Variants in EMCN observed in about 807,000 individuals in gnomAD.
EMCN encodes the protein endomucin, also known as MUC-14.
Under a neutral mutation model 38.4 loss-of-function variants are expected in EMCN, and 37 were observed. The observed-to-expected ratio is 0.96, with a 90% CI of 0.74 to 1.27. The LOEUF is 1.27. Ranked by LOEUF, EMCN falls within the 50% of genes most tolerant of loss-of-function variation. The pLI is 0.00. For missense variants in EMCN, 318 were observed against 302.8 expected, an observed-to-expected ratio of 1.05 and a Z score of -0.37; for synonymous variants, 95 against 100.8, an observed-to-expected ratio of 0.94 and a Z score of 0.35.
intron 5 of EMCN, among the ~76,000 whole-genome samples, chr4:100,447,115 T>C (rs566789237): frequency 1.3e-5 from 2 of 152,196 alleles, no homozygotes; most frequent in African/African-American, 2.4e-5. Flanking sequence ...ATTGGAATGA[T>C]AGCATTTTAA....
intron 5 of EMCN, among the ~76,000 whole-genome samples, chr4:100,444,940 C>A (rs535818352): frequency 1.3e-5 from 2 of 152,254 alleles, no homozygotes; most frequent in South Asian, 4.1e-4. Context: ...GCAAAGACTG[C>A]ATGTATCTGT....
At chr4:100,476,687 A>T (rs924534) in intron 2 of EMCN, among the ~76,000 whole-genome samples, 3 of 152,082 alleles carry the variant, frequency 2.0e-5, no homozygotes, top group Admixed American at 6.5e-5. Context: ...AACATGTTGA[A>T]TTCTATTTAG....
chr4:100,491,557 C>G (rs1729079664), intron 1 of EMCN, among the ~76,000 whole-genome samples: 1 of 152,204 alleles, frequency 6.6e-6, no homozygotes. Context: ...CAGAGCAAAG[C>G]AGTTGGTCCC....
chr4:100,452,642 C>G (rs1231537710), intron 4 of EMCN, among the ~76,000 whole-genome samples: 1 of 152,048 alleles, frequency 6.6e-6, no homozygotes, highest in Non-Finnish European at 1.5e-5. Flanking sequence ...GTTATAGATA[C>G]CAGAATGACT....
intron 5 of EMCN, among the ~76,000 whole-genome samples, chr4:100,427,073 G>A (rs1008452116): frequency 6.6e-6 from 1 of 151,872 alleles, no homozygotes; most frequent in African/African-American, 2.4e-5. Context: ...TTTGGAACTG[G>A]TCTCTAATTG....
chr4:100,479,757 T>C (rs1271559566), intron 2 of EMCN, among the ~76,000 whole-genome samples, 160 bp downstream of exon 2: 1 of 152,126 alleles, frequency 6.6e-6, no homozygotes, highest in African/African-American at 2.4e-5. Flanking sequence ...GGGTTTTGTA[T>C]GGAACCCCAA....
At chr4:100,509,777 T>C (rs1370578025) in intron 1 of EMCN, among the ~76,000 whole-genome samples, 1 of 152,148 alleles carries the variant, frequency 6.6e-6, no homozygotes, top group Non-Finnish European at 1.5e-5. Flanking sequence ...GTAAAGGTAT[T>C]ATGGCTAAAA....
chr4:100,442,243 T>C (rs1006897076), intron 5 of EMCN, among the ~76,000 whole-genome samples: 2 of 152,220 alleles, frequency 1.3e-5, no homozygotes, highest in African/African-American at 4.8e-5. Context: ...AAGGTTTCTA[T>C]TGAGAAATCC....
chr4:100,430,793 G>A (rs144426067), intron 5 of EMCN, among the ~76,000 whole-genome samples: 3 of 152,150 alleles, frequency 2.0e-5, no homozygotes, highest in African/African-American at 7.2e-5. Flanking sequence ...TACCAGACAC[G>A]ATCACATATA....
At position 100,453,270 on chromosome 4, in the gene EMCN, C is replaced by T. The variant is rs1727901138; in HGVS notation, c.377-5699G>A. 2.0e-5 allele frequency among the ~76,000 whole-genome samples: 3 copies of T among 152,084 alleles called. No individual in the cohort carries two copies. The South Asian group carries it at 6.2e-4, about 32-fold the overall frequency. The stretch of plus-strand genomic sequence containing the variant: ...TGGGAGAAAATTTTTGCAACCTACT[C>T]ATCTGACAAAGGGCTAATATCCAGA... On this transcript the variant is annotated intron_variant, in intron 4 of 11. Coordinates refer to ENST00000296420, the MANE Select transcript of EMCN (RefSeq NM_016242.4).
chr4:100,407,910 T>C (rs1001656116), intron 11 of EMCN, among the ~76,000 whole-genome samples: 2 of 152,166 alleles, frequency 1.3e-5, no homozygotes, highest in African/African-American at 4.8e-5. Flanking sequence ...TTCTTGGAGA[T>C]TTGTTCATTT....
rs367803286 is a variant in EMCN at position 100,504,839 on chromosome 4, A to C, written c.64+13012T>G. ...GACCCTACTCCTCCACCTCTTGTGGAGGGCCTGACTGATGTCAGGCCTGCC... is the reference window on the plus strand; with the variant it reads ...GACCCTACTCCTCCACCTCTTGTGGCGGGCCTGACTGATGTCAGGCCTGCC... On this transcript the variant is annotated intron_variant, in intron 1 of 11. Transcript: ENST00000296420. Among the ~76,000 whole-genome samples the C allele has an allele frequency of 2.9e-4, 44 of 152,284 alleles. 3 individuals carry two copies. The East Asian group carries it at 3.9e-3, about 13-fold the overall frequency.
At chr4:100,407,314 A>C (rs4478197) in intron 11 of EMCN, among the ~76,000 whole-genome samples, 1 of 152,128 alleles carries the variant, frequency 6.6e-6, no homozygotes, top group Admixed American at 6.6e-5. Context: ...GCTTTATAGC[A>C]TCAATGGTGT....
At chr4:100,513,478 AG>A (rs1729678734) in intron 1 of EMCN, among the ~76,000 whole-genome samples, 1 of 152,172 alleles carries the variant, frequency 6.6e-6, no homozygotes, top group Non-Finnish European at 1.5e-5. Flanking sequence ...TGTATTTTTG[AG>A]AAGTTGGTTG....
chr4:100,452,780 C>A (rs910965560), intron 4 of EMCN, among the ~76,000 whole-genome samples: 1 of 152,026 alleles, frequency 6.6e-6, no homozygotes, highest in African/African-American at 2.4e-5. Context: ...TCAAACTATA[C>A]TACAAGGCTA....
intron 5 of EMCN, among the ~76,000 whole-genome samples, chr4:100,447,130 T>C (rs116444526): frequency 1.7e-3 from 266 of 152,312 alleles, no homozygotes; most frequent in African/African-American, 6.2e-3. Flanking sequence ...TTTTAAATTG[T>C]TAACTGTGGT....
chr4:100,418,774 G>A (rs979404942), intron 8 of EMCN, among the ~76,000 whole-genome samples: 8 of 151,958 alleles, frequency 5.3e-5, no homozygotes, highest in African/African-American at 1.4e-4. Context: ...CCACATTTTC[G>A]TTATCTATTC....
At chr4:100,432,592 C>G (rs1164097483) in intron 5 of EMCN, among the ~76,000 whole-genome samples, 2 of 152,028 alleles carry the variant, frequency 1.3e-5, no homozygotes, top group Non-Finnish European at 2.9e-5. Context: ...AGGTTCATAC[C>G]AAGTTTGGGG....
At chr4:100,515,505 G>C (rs1433281567) in intron 1 of EMCN, among the ~76,000 whole-genome samples, 1 of 152,058 alleles carries the variant, frequency 6.6e-6, no homozygotes, top group Non-Finnish European at 1.5e-5. Flanking sequence ...CAGCATGAAA[G>C]ACTGTATTGT....
Sources: gnomAD v4.1 joint callset for allele counts (sites outside exome capture counted in the v4.1 genomes callset) on GRCh38, gnomAD v4.1.1 for gene constraint, MANE v1.5 for transcripts, NCBI Gene and HGNC (gene_info 2026-07-23, HGNC 2026-07-21) for gene names.